The following DNAH5 variants were observed in gnomAD, a reference collection of about 807,000 sequenced individuals.
DNAH5 encodes axonemal beta dynein heavy chain 5.
DNAH5 carries 372 observed loss-of-function variants against 518.2 expected under a neutral mutation model. That is an observed-to-expected ratio of 0.72 (90% CI 0.66 to 0.78). The LOEUF is 0.78. Ranked by LOEUF, DNAH5 falls within the 30% of genes least tolerant of loss-of-function variation. DNAH5 has a pLI of 0.00. For missense variants in DNAH5, 5,523 were observed against 5,687.0 expected (o/e 0.97, Z 0.93); for synonymous variants, 2,039 against 2,025.9 (o/e 1.01, Z -0.17).
chr5:13,806,818 C>T lies in DNAH5; in HGVS notation c.7887+773G>A, dbSNP rs149137737. On this transcript the variant is annotated intron_variant, in intron 47 of 78. Transcript: ENST00000265104. ...TTCATTGGGAAAAAAAAATAAACAA[C>T]GCAAACTTGAGGGGTTTTTTTTCTC... Among the ~76,000 whole-genome samples the T allele has an allele frequency of 9.9e-5, 15 of 152,140 alleles. No homozygotes were observed. In the East Asian group the frequency reaches 1.2e-3, roughly 12 times the overall value.
At chr5:13,772,170 C>T (rs1753431783) in intron 55 of DNAH5, among the ~76,000 whole-genome samples, 1 of 152,006 alleles carries the variant, frequency 6.6e-6, no homozygotes. Flanking sequence ...AGGTGTTAAC[C>T]ACAATGGCTG....
At chr5:14,010,772 G>T (rs900012434) in intron 1 of DNAH5, among the ~76,000 whole-genome samples, 2 of 152,108 alleles carry the variant, frequency 1.3e-5, no homozygotes, top group South Asian at 4.1e-4. Context: ...GGAAAACGCT[G>T]AAGTATTATT....
At chr5:13,768,908 A>C in intron 58 of DNAH5, 52 bp downstream of exon 58, 1 of 1,588,328 alleles carries the variant, frequency 6.3e-7, no homozygotes, top group Non-Finnish European at 8.6e-7. Flanking sequence ...TTTTAGCATT[A>C]GTCTGCCTCT....
intron 1 of DNAH5, among the ~76,000 whole-genome samples, chr5:13,966,971 C>T (rs1437102549): frequency 1.3e-5 from 2 of 152,200 alleles, no homozygotes; most frequent in Non-Finnish European, 2.9e-5. Context: ...AAGTGATTCT[C>T]GTGCCTCAGC....
At chr5:13,895,872 T>C (rs1305431336) in intron 15 of DNAH5, among the ~76,000 whole-genome samples, 1 of 152,056 alleles carries the variant, frequency 6.6e-6, no homozygotes, top group East Asian at 2.0e-4. Flanking sequence ...CAGCTGATAG[T>C]GACTTTATCC....
chr5:13,872,713 C>T (rs541400057), intron 22 of DNAH5, among the ~76,000 whole-genome samples: 1 of 152,248 alleles, frequency 6.6e-6, no homozygotes, highest in Non-Finnish European at 1.5e-5. Context: ...TTTTCAAATG[C>T]TATTTTTCCC....
rs201116549 is a variant in DNAH5, at chr5:13,911,374, T to C, written c.1644+12A>G. 1.6e-3 allele frequency: 2,600 copies of C among 1,602,874 alleles called. 2 individuals carry two copies. Among genetic ancestry groups the C allele is most frequent in the Non-Finnish European group, 2.0e-3 (2,392 of 1,169,978 alleles). On this transcript the variant is annotated intron_variant, in intron 12 of 78. Coordinates refer to ENST00000265104, the MANE Select transcript of DNAH5 (RefSeq NM_001369.3). The stretch of plus-strand genomic sequence containing the variant: ...ACACGACTGTCAACAGGAATTTTAT[T>C]ATACAACCTACATGAAGGTCATTAG...
chr5:14,001,130 GA>G (rs1269403225), intron 1 of DNAH5, among the ~76,000 whole-genome samples: 1 of 152,132 alleles, frequency 6.6e-6, no homozygotes, highest in Non-Finnish European at 1.5e-5. Flanking sequence ...AACAGACATG[GA>G]GGACTACTCG....
intron 78 of DNAH5, among the ~76,000 whole-genome samples, chr5:13,696,496 T>C (rs1248643486): frequency 6.6e-6 from 1 of 152,174 alleles, no homozygotes; most frequent in African/African-American, 2.4e-5. Flanking sequence ...AATATCTAGA[T>C]TTCTTCTTGT....
At chr5:13,906,027 AG>A (rs975883244) in intron 12 of DNAH5, among the ~76,000 whole-genome samples, 1 of 152,250 alleles carries the variant, frequency 6.6e-6, no homozygotes, top group Non-Finnish European at 1.5e-5. Context: ...CCAGTCTAAA[AG>A]GGCATATTCT....
chr5:13,917,161 A>AG lies in DNAH5; in HGVS notation c.1070dup (p.Leu358PhefsTer5). 1 of 1,613,648 alleles carries AG rather than the reference A, an allele frequency of 6.2e-7. No homozygotes were observed. The highest frequency in any genetic ancestry group is 8.5e-7 in the Non-Finnish European group (1 of 1,179,646). On this transcript the variant is annotated frameshift_variant, in exon 8 of 79. Transcript: ENST00000265104. LOFTEE classifies it high-confidence loss of function. ...AACTCACGGGATCACTGCTGTACAA[A>AG]GGGTCACAACATTTTTCAAGTGTAT...
chr5:13,975,902 G>A (rs575076615), intron 1 of DNAH5, among the ~76,000 whole-genome samples: 5 of 152,190 alleles, frequency 3.3e-5, no homozygotes, highest in Non-Finnish European at 5.9e-5. Flanking sequence ...CAGGCATGGT[G>A]GCTCATGCCT....
chr5:13,766,093 C>A lies in DNAH5; in HGVS notation c.9984G>T (p.Leu3328=), dbSNP rs770559422. Residue 3328 remains leucine (L), a synonymous_variant, in exon 59 of 79, where the codon CTG becomes CTT. Coordinates refer to ENST00000265104, the MANE Select transcript of DNAH5 (RefSeq NM_001369.3). ...CAGCACTGACTTTCCTTTGAAACAGCAGCAGTACGCAATCCATGATCCGCA... is the reference window on the plus strand; with the variant it reads ...CAGCACTGACTTTCCTTTGAAACAGAAGCAGTACGCAATCCATGATCCGCA... ...LIMRIMDCVL[L]LFQRKVSAVK... 1 of 1,614,072 alleles carries A rather than the reference C, an allele frequency of 6.2e-7. No homozygotes were observed. The highest frequency in any genetic ancestry group is 8.5e-7 in the Non-Finnish European group (1 of 1,180,040).
chr5:13,701,926 T>C (rs2126414080), intron 76 of DNAH5, among the ~76,000 whole-genome samples: 1 of 152,352 alleles, frequency 6.6e-6, no homozygotes, highest in South Asian at 2.1e-4. Context: ...CATGGATAAG[T>C]TGTAGAAGAC....
rs746415006 is a variant in DNAH5, at chr5:13,868,007, GA to G, written c.3835-16del. The G allele has an allele frequency of 1.8e-4, 296 of 1,605,238 alleles. 1 individual carries two copies. The Middle Eastern group carries it at 2.6e-3, about 14-fold the overall frequency. On this transcript the variant is annotated splice_polypyrimidine_tract_variant and intron_variant, in intron 24 of 78. Coordinates refer to ENST00000265104, the MANE Select transcript of DNAH5 (RefSeq NM_001369.3). The stretch of plus-strand genomic sequence containing the variant: ...GCATAAGATTCCTAAAAAAAAATAG[GA>G]AAAACTTAATTTTGGCCAGTCAGAT...
chr5:13,801,156 C>T (rs1311488560), intron 47 of DNAH5, among the ~76,000 whole-genome samples: 1 of 152,146 alleles, frequency 6.6e-6, no homozygotes, highest in African/African-American at 2.4e-5. Context: ...GAGGTGAGGC[C>T]TGGTGGGAGG....
chr5:13,793,994 T>C lies in DNAH5; in HGVS notation c.7952A>G (p.Lys2651Arg). The C allele has an allele frequency of 6.2e-7, 1 of 1,614,144 alleles. No homozygotes were observed. The highest frequency in any genetic ancestry group is 8.5e-7 in the Non-Finnish European group (1 of 1,179,988). ...GTTYGPPAGK[K>R]MTVFIDDVNM... ...CACATCATCAATAAAAACAGTCATC[T>C]TCTTTCCCGCAGGAGGGCCATATGT... The change falls in exon 48 of 79, where the codon AAG becomes AGG. Residue 2651 changes from lysine (K) to arginine (R), a missense_variant. By Grantham distance (26) the Lys-to-Arg change is conservative. Transcript: ENST00000265104.
At chr5:13,928,361 G>T (rs1411925150) in intron 2 of DNAH5, among the ~76,000 whole-genome samples, 183 bp from the exon 3 acceptor site, 1 of 152,190 alleles carries the variant, frequency 6.6e-6, no homozygotes, top group Non-Finnish European at 1.5e-5. Flanking sequence ...TCTCACCATA[G>T]TAAAGACTCT....
chr5:13,790,240 A>G (rs753870851), intron 50 of DNAH5, among the ~76,000 whole-genome samples: 10 of 152,236 alleles, frequency 6.6e-5, no homozygotes, highest in Non-Finnish European at 1.3e-4. Context: ...TACTATGCAC[A>G]TGCACGTGAA....
Sources: allele counts gnomAD v4.1 joint callset (sites outside exome capture counted in the v4.1 genomes callset), GRCh38; gene constraint gnomAD v4.1.1; transcripts MANE v1.5; gene names NCBI Gene and HGNC (gene_info 2026-07-23, HGNC 2026-07-21).